TENM3: variants seen among roughly 807,000 people sequenced by gnomAD.
The protein encoded by TENM3 is teneurin transmembrane protein 3.
A neutral mutation model predicts 255.1 loss-of-function variants in TENM3; 63 were observed. That is an observed-to-expected ratio of 0.25 (90% confidence interval 0.20 to 0.30). The LOEUF (loss-of-function observed/expected upper bound fraction) is 0.30, where lower values mean the gene tolerates loss of function less well. TENM3 is among the 10% of genes least tolerant of loss of function. TENM3 has a pLI of 1.00. For synonymous variants in TENM3, 1,306 were observed against 1,322.3 expected (o/e 0.99, Z 0.27); for missense variants, 2,929 against 3,461.1 (o/e 0.85, Z 3.86).
the TENM3 span, among the ~76,000 whole-genome samples, chr4:181,459,870 G>A: frequency 6.6e-6 from 1 of 151,668 alleles, no homozygotes; most frequent in Non-Finnish European, 1.5e-5. Flanking sequence ...ATTTTTATTG[G>A]CATATCATTA....
intron 3 of TENM3, among the ~76,000 whole-genome samples, chr4:182,510,109 C>A (rs561114323): frequency 2.6e-5 from 4 of 152,118 alleles, no homozygotes; most frequent in Non-Finnish European, 4.4e-5. Flanking sequence ...AAAACAAATT[C>A]TCCACCAAGT....
intron 1 of TENM3, among the ~76,000 whole-genome samples, chr4:182,222,883 G>T (rs1755929091): frequency 6.6e-6 from 1 of 152,166 alleles, no homozygotes. Flanking sequence ...GCCTTCTCTT[G>T]TCCTATCCCG....
At chr4:181,575,909 G>A in the TENM3 span, among the ~76,000 whole-genome samples, 6 of 152,320 alleles carry the variant, frequency 3.9e-5, no homozygotes, top group South Asian at 8.3e-4. Flanking sequence ...GGAATCAATA[G>A]CAAGAGTGAT....
chr4:181,769,226 G>T, the TENM3 span, among the ~76,000 whole-genome samples: 5 of 152,190 alleles, frequency 3.3e-5, no homozygotes, highest in African/African-American at 1.2e-4. Context: ...AGAAATAGCA[G>T]TCATGTGACT....
the TENM3 span, among the ~76,000 whole-genome samples, chr4:182,111,205 T>TTTTTTTTTTTTTTTTTC: frequency 6.7e-6 from 1 of 148,566 alleles, no homozygotes; most frequent in African/African-American, 2.5e-5. Context: ...TTTTTTTTTT[T>TTTTTTTTTTTTTTTTTC]TTTTTTTTAA....
chr4:182,251,776 G>A (rs1758030537), intron 1 of TENM3, among the ~76,000 whole-genome samples: 1 of 152,178 alleles, frequency 6.6e-6, no homozygotes, highest in Admixed American at 6.5e-5. Flanking sequence ...CCAACTTTGG[G>A]TTAAAACATG....
At chr4:181,476,276 T>C in the TENM3 span, among the ~76,000 whole-genome samples, 1 of 150,814 alleles carries the variant, frequency 6.6e-6, no homozygotes, top group Non-Finnish European at 1.5e-5. Flanking sequence ...ATTGAAATGC[T>C]AGATATGTGG....
the TENM3 span, among the ~76,000 whole-genome samples, chr4:181,946,406 C>T: frequency 6.6e-6 from 1 of 152,132 alleles, no homozygotes; most frequent in African/African-American, 2.4e-5. Flanking sequence ...TATCAGAATC[C>T]ACTCATCTTT....
At chr4:182,011,061 A>T in the TENM3 span, among the ~76,000 whole-genome samples, 2 of 152,220 alleles carry the variant, frequency 1.3e-5, no homozygotes, top group African/African-American at 4.8e-5. Flanking sequence ...TCCCAAGAAA[A>T]TTCCATCCAT....
At chr4:182,059,678 G>A in the TENM3 span, among the ~76,000 whole-genome samples, 1 of 149,966 alleles carries the variant, frequency 6.7e-6, no homozygotes, top group Admixed American at 6.6e-5. Context: ...GGAGGCCAAG[G>A]CGGGAGGATT....
intron 3 of TENM3, among the ~76,000 whole-genome samples, chr4:182,364,270 T>A (rs1474927591): frequency 3.9e-5 from 6 of 152,306 alleles, no homozygotes; most frequent in Non-Finnish European, 4.4e-5. Context: ...GATTTAGGAT[T>A]TCATGTTTAT....
chr4:181,770,249 A>G, the TENM3 span, among the ~76,000 whole-genome samples: 1 of 152,156 alleles, frequency 6.6e-6, no homozygotes, highest in Non-Finnish European at 1.5e-5. Context: ...ATTTACAGAG[A>G]ATGTGACTAT....
the TENM3 span, among the ~76,000 whole-genome samples, chr4:181,755,625 A>T: frequency 6.6e-6 from 1 of 152,284 alleles, no homozygotes; most frequent in East Asian, 1.9e-4. Context: ...GGCCAAAATT[A>T]AGCAACTTTT....
intron 1 of TENM3, among the ~76,000 whole-genome samples, chr4:182,218,666 T>G (rs2726812): frequency 0.64 from 97,228 of 152,092 alleles, 31,496 homozygotes; most frequent in Middle Eastern, 0.71. Flanking sequence ...AATGATCCAT[T>G]ATTGGCAATT....
rs371204108 is a variant in TENM3 at position 182,792,395 on chromosome 4, T to C, written c.5723T>C (p.Ile1908Thr). The change falls in exon 26 of 28, where the codon ATT becomes ACT. Residue 1908 changes from isoleucine (I) to threonine (T), a missense_variant. This residue lies in a region of TENM3 where 303 missense variants were observed against 425.2 expected (regional missense o/e 0.71). Transcript: ENST00000511685. The surrounding 1 kb of genome is among the most constrained non-coding windows in gnomAD (Gnocchi z 6.3). Reference protein sequence around the residue: ...ARHTMQTIRSIGYYRNIYNPP... With the variant: ...ARHTMQTIRSTGYYRNIYNPP... Reference sequence around the variant, plus strand: ...CACACCATGCAGACCATCCGATCCATTGGCTACTACCGCAACATATACAAC... The same window carrying C: ...CACACCATGCAGACCATCCGATCCACTGGCTACTACCGCAACATATACAAC... 6 of 1,613,906 alleles carry C rather than the reference T, an allele frequency of 3.7e-6. No homozygotes were observed. Among genetic ancestry groups the C allele is most frequent in the East Asian group, 2.2e-5 (1 of 44,886 alleles).
chr4:182,030,164 C>T, the TENM3 span, among the ~76,000 whole-genome samples: 4 of 152,034 alleles, frequency 2.6e-5, no homozygotes, highest in South Asian at 8.3e-4. Context: ...GTTTCCTGCA[C>T]CTATCAACCC....
chr4:181,888,956 G>T, the TENM3 span, among the ~76,000 whole-genome samples: 1 of 151,784 alleles, frequency 6.6e-6, no homozygotes, highest in East Asian at 2.0e-4. Context: ...ATCTTCCTTT[G>T]TCAGTTCACG....
chr4:181,554,874 C>T, the TENM3 span, among the ~76,000 whole-genome samples: 1 of 152,166 alleles, frequency 6.6e-6, no homozygotes, highest in Non-Finnish European at 1.5e-5. Flanking sequence ...AAGAACTCAG[C>T]TTGATTTTGT....
At chr4:181,532,912 T>C in the TENM3 span, among the ~76,000 whole-genome samples, 1,208 of 152,346 alleles carry the variant, frequency 7.9e-3, 16 homozygotes, top group African/African-American at 0.028. Context: ...TTTGATGATT[T>C]TCTTAAAATT....
Sources: gnomAD v4.1 joint callset for allele counts (sites outside exome capture counted in the v4.1 genomes callset) on GRCh38, gnomAD v4.1.1 for gene constraint, gnomAD v4.1.1 regional missense constraint, Gnocchi (gnomAD v3.1) non-coding constraint, MANE v1.5 for transcripts, NCBI Gene and HGNC (gene_info 2026-07-23, HGNC 2026-07-21) for gene names.